The following ATP8B1 variants were observed in gnomAD, a reference collection of about 807,000 sequenced individuals.
The protein encoded by ATP8B1 is phospholipid-transporting ATPase IC.
A neutral mutation model predicts 149.9 loss-of-function variants in ATP8B1; 80 were observed. The ratio of observed to expected loss-of-function variants is 0.53; its 90% CI spans 0.45 to 0.64. The LOEUF (loss-of-function observed/expected upper bound fraction) is 0.64, where lower values mean the gene tolerates loss of function less well. Among genes scored for constraint, ATP8B1 ranks in the 30% least tolerant of loss-of-function variants. ATP8B1 has a pLI of 0.00. For missense variants in ATP8B1, 1,247 were observed against 1,552.6 expected (o/e 0.80, Z 3.31); for synonymous variants, 536 against 562.8 (o/e 0.95, Z 0.67).
chr18:57,679,724 G>A (rs530737854), intron 15 of ATP8B1, among the ~76,000 whole-genome samples: 1 of 152,238 alleles, frequency 6.6e-6, no homozygotes, highest in South Asian at 2.1e-4. Flanking sequence ...GAGCGCAGTG[G>A]CAAAATCTCG....
Position 57,765,723 on chromosome 18 carries a change from T to A in ATP8B1, c.-25-33891A>T, listed in dbSNP as rs949851209. On this transcript the variant is annotated intron_variant, in intron 1 of 27. Transcript: ENST00000648908. Reference sequence around the variant, plus strand: ...CAAGCGCATTGGCTCACACCTGTAATCCGAGCACTTTGGGAAGCTGACTGG... The same window carrying A: ...CAAGCGCATTGGCTCACACCTGTAAACCGAGCACTTTGGGAAGCTGACTGG... Among the ~76,000 whole-genome samples the A allele has an allele frequency of 4.7e-5, 7 of 149,234 alleles. No homozygotes were observed. In the East Asian group the frequency reaches 1.2e-3, roughly 26 times the overall value.
intron 21 of ATP8B1, among the ~76,000 whole-genome samples, chr18:57,661,684 C>T (rs1910435559): frequency 2.2e-5 from 2 of 92,492 alleles, no homozygotes; most frequent in Non-Finnish European, 4.2e-5. Flanking sequence ...TATACACACA[C>T]ACACACACAC....
chr18:57,705,067 T>C (rs1294843518), intron 3 of ATP8B1, among the ~76,000 whole-genome samples: 1 of 152,172 alleles, frequency 6.6e-6, no homozygotes, highest in African/African-American at 2.4e-5. Flanking sequence ...AGAGTGAGAC[T>C]CTGCCTTAAA....
chr18:57,790,224 A>AC (rs1296892234), intron 1 of ATP8B1, among the ~76,000 whole-genome samples: 2 of 150,796 alleles, frequency 1.3e-5, no homozygotes, highest in Non-Finnish European at 3.0e-5. Context: ...TCGGGCCCAA[A>AC]CCCCCATCCT....
intron 1 of ATP8B1, among the ~76,000 whole-genome samples, chr18:57,791,214 C>T (rs933851816): frequency 6.6e-6 from 1 of 152,172 alleles, no homozygotes; most frequent in African/African-American, 2.4e-5. Flanking sequence ...CTATTCTGGG[C>T]ACTTCATATA....
At chr18:57,654,604 C>G (rs1408831100) in intron 23 of ATP8B1, among the ~76,000 whole-genome samples, 1 of 152,124 alleles carries the variant, frequency 6.6e-6, no homozygotes, top group Non-Finnish European at 1.5e-5. Context: ...TAGGCGTGAG[C>G]CACTGCACCC....
rs574070627 is a variant in ATP8B1, at chr18:57,646,655, C to A, written c.*1833G>T. On this transcript the variant is annotated 3_prime_UTR_variant, in exon 28 of 28. Transcript: ENST00000648908. ...GAGAAATCTGAAACTAACAGAATTACACAAGCTAAGTTTTCTGTAAAAAAA... is the reference window on the plus strand; with the variant it reads ...GAGAAATCTGAAACTAACAGAATTAAACAAGCTAAGTTTTCTGTAAAAAAA... 34 of 152,638 alleles carry A rather than the reference C, an allele frequency of 2.2e-4. No individual in the cohort carries two copies. Among genetic ancestry groups the A allele is most frequent in the African/African-American group, 8.2e-4 (34 of 41,538 alleles). 9.5% of individuals were successfully genotyped at this position (152,638 alleles called of 1,614,324 possible).
chr18:57,656,343 G>A (rs551020009), intron 22 of ATP8B1, among the ~76,000 whole-genome samples: 1 of 151,566 alleles, frequency 6.6e-6, no homozygotes, highest in African/African-American at 2.4e-5. Context: ...GAATTTTAAG[G>A]TCTAAATTCT....
intron 2 of ATP8B1, among the ~76,000 whole-genome samples, chr18:57,716,760 C>A (rs2079587016): frequency 6.6e-6 from 1 of 152,194 alleles, no homozygotes; most frequent in Admixed American, 6.6e-5. Flanking sequence ...ACACTTTCAG[C>A]ACTGGACAGA....
chr18:57,671,645 C>T, intron 16 of ATP8B1, 65 bp from the exon 17 acceptor site: 1 of 1,159,638 alleles, frequency 8.6e-7, no homozygotes, highest in Non-Finnish European at 1.3e-6. Flanking sequence ...TTTTTTGAGA[C>T]AGGGTCTTGC....
intron 2 of ATP8B1, among the ~76,000 whole-genome samples, chr18:57,730,639 T>C (rs319434): frequency 0.98 from 149,713 of 152,238 alleles, 73,663 homozygotes; most frequent in East Asian, 1. Context: ...TTCTACTGCC[T>C]TCAGTGATGT....
intron 1 of ATP8B1, among the ~76,000 whole-genome samples, chr18:57,751,177 A>T (rs1222342764): frequency 6.6e-6 from 1 of 152,156 alleles, no homozygotes; most frequent in Non-Finnish European, 1.5e-5. Context: ...TGGCTTAAAC[A>T]TTAGTAATTT....
At chr18:57,701,013 A>G in intron 6 of ATP8B1, 26 bp downstream of exon 6, 1 of 1,597,074 alleles carries the variant, frequency 6.3e-7, no homozygotes. Flanking sequence ...CATCCTTGAA[A>G]CTCAGTTACT....
chr18:57,732,109 G>GTA (rs2079772789), intron 1 of ATP8B1: 4 of 98,618 alleles, frequency 4.1e-5, no homozygotes, highest in African/African-American at 2.3e-4. Flanking sequence ...ATATATATAT[G>GTA]TATATATGTA....
At chr18:57,708,334 G>A (rs1042424999) in intron 2 of ATP8B1, 6 of 151,912 alleles carry the variant, frequency 3.9e-5, no homozygotes, top group African/African-American at 9.7e-5. Flanking sequence ...AAATGTTCCT[G>A]GTATCTTTGT....
At chr18:57,676,193 C>T (rs1911575088) in intron 15 of ATP8B1, among the ~76,000 whole-genome samples, 1 of 152,032 alleles carries the variant, frequency 6.6e-6, no homozygotes, top group Non-Finnish European at 1.5e-5. Flanking sequence ...GACAGTCTTA[C>T]TCTGGCACCA....
chr18:57,664,606 GTGTT>G (rs374578951), intron 20 of ATP8B1, among the ~76,000 whole-genome samples: 297 of 151,682 alleles, frequency 2.0e-3, no homozygotes, highest in African/African-American at 7.0e-3. Context: ...AACTATATCT[GTGTT>G]TGAGAAATTC....
intron 2 of ATP8B1, among the ~76,000 whole-genome samples, chr18:57,721,914 A>G (rs1159293862): frequency 1.7e-5 from 2 of 119,794 alleles, no homozygotes; most frequent in African/African-American, 7.2e-5. Context: ...ACCACAGTGC[A>G]ATCAAACTAG....
At position 57,648,462 on chromosome 18, in the gene ATP8B1, C is replaced by T. The variant is rs1285338867; in HGVS notation, c.*26G>A. ...ATAAAAAAATAGACGTGCTTTGTGG[C>T]CGCATCCCAGCCTGGGGGTAAGGGA... On this transcript the variant is annotated 3_prime_UTR_variant, in exon 28 of 28. Coordinates refer to ENST00000648908, the MANE Select transcript of ATP8B1 (RefSeq NM_001374385.1). 2 of 1,609,562 alleles carry T rather than the reference C, an allele frequency of 1.2e-6. No homozygotes were observed. The highest frequency in any genetic ancestry group is 4.5e-5 in the East Asian group (2 of 44,882).
Sources: allele counts gnomAD v4.1 joint callset (sites outside exome capture counted in the v4.1 genomes callset), GRCh38; gene constraint gnomAD v4.1.1; transcripts MANE v1.5; gene names NCBI Gene and HGNC (gene_info 2026-07-23, HGNC 2026-07-21).